GRM7: variants seen among roughly 807,000 people sequenced by gnomAD.
GRM7 encodes metabotropic glutamate receptor 7.
A neutral mutation model predicts 84.5 loss-of-function variants in GRM7; 35 were observed. That is an observed-to-expected ratio of 0.41 (90% confidence interval 0.32 to 0.55). The LOEUF (loss-of-function observed/expected upper bound fraction) is 0.55, where lower values mean the gene tolerates loss of function less well. GRM7 is among the 20% of genes least tolerant of loss of function. The pLI is 0.19. For missense variants in GRM7, 1,003 were observed against 1,194.6 expected (o/e 0.84, Z 2.36); for synonymous variants, 487 against 455.1 (o/e 1.07, Z -0.89).
rs944398447 is a variant in GRM7 at position 7,630,310 on chromosome 3, G to A, written c.2452-49739G>A. On this transcript the variant is annotated intron_variant, in intron 8 of 9. Transcript: ENST00000357716. ...CTAAGGAATCTTCCCTGAGTTGTCT[G>A]ATTAGATGCAAACAAGCATGACGAA... Among the ~76,000 whole-genome samples the A allele has an allele frequency of 2.8e-5, 4 of 143,828 alleles. 1 individual carries two copies. Among genetic ancestry groups the A allele is most frequent in the Admixed American group, 2.8e-4 (4 of 14,434 alleles). The allele number at this position is 143,828 out of a possible 152,430, so 94.4% of individuals were successfully genotyped here.
At chr3:7,386,523 G>C (rs767590403) in intron 4 of GRM7, among the ~76,000 whole-genome samples, 3 of 152,112 alleles carry the variant, frequency 2.0e-5, no homozygotes, top group African/African-American at 7.2e-5. Context: ...AGAATATGTG[G>C]TATTTGGTTT....
chr3:7,439,207 A>G (rs1412051676), intron 5 of GRM7, among the ~76,000 whole-genome samples: 1 of 152,178 alleles, frequency 6.6e-6, no homozygotes, highest in Non-Finnish European at 1.5e-5. Context: ...GACAATGACC[A>G]CTTTTTTTCC....
chr3:6,971,118 T>C (rs1371794500), intron 1 of GRM7, among the ~76,000 whole-genome samples: 3 of 151,294 alleles, frequency 2.0e-5, no homozygotes, highest in South Asian at 4.2e-4. Context: ...TTACAGTATT[T>C]ACCGAGGGAG....
chr3:7,215,763 G>A (rs550823406), intron 2 of GRM7, among the ~76,000 whole-genome samples: 1 of 152,058 alleles, frequency 6.6e-6, no homozygotes. Flanking sequence ...ATGTCTTATG[G>A]GTCTTAAAGG....
At chr3:7,514,112 C>T (rs73017846) in intron 7 of GRM7, among the ~76,000 whole-genome samples, 4,882 of 152,280 alleles carry the variant, frequency 0.032, 113 homozygotes, top group Non-Finnish European at 0.045. Flanking sequence ...AATGAACCTT[C>T]CAGAAAAAAC....
At chr3:7,474,079 G>A (rs528067080) in intron 7 of GRM7, among the ~76,000 whole-genome samples, 1 of 152,118 alleles carries the variant, frequency 6.6e-6, no homozygotes, top group African/African-American at 2.4e-5. Context: ...GTGAGGGGCT[G>A]TTTGGTGTCA....
At position 6,872,793 on chromosome 3, in the gene GRM7, G is replaced by A. The variant is rs150452231; in HGVS notation, c.519+10886G>A. ...CCATGTCCCTACAAAGGACATGAACGCATCCATTTTTATGGCTGCATAGTA... is the reference window on the plus strand; with the variant it reads ...CCATGTCCCTACAAAGGACATGAACACATCCATTTTTATGGCTGCATAGTA... On this transcript the variant is annotated intron_variant, in intron 1 of 9. Transcript: ENST00000357716. 4.7e-3 allele frequency among the ~76,000 whole-genome samples: 716 copies of A among 152,142 alleles called. 9 individuals carry two copies. The highest frequency in any genetic ancestry group is 0.017 in the African/African-American group (693 of 41,530).
intron 1 of GRM7, among the ~76,000 whole-genome samples, chr3:6,880,759 C>G (rs1487769032): frequency 6.6e-6 from 1 of 152,054 alleles, no homozygotes; most frequent in Non-Finnish European, 1.5e-5. Flanking sequence ...CTTCTCGTCT[C>G]GTATTTGGAC....
chr3:7,735,048 C>CAAAA (rs3840230), intron 9 of GRM7, among the ~76,000 whole-genome samples: 13,142 of 151,472 alleles, frequency 0.087, 1,645 homozygotes, highest in African/African-American at 0.28. Flanking sequence ...GAAGTAATTA[C>CAAAA]AAAAAAAAGT....
At chr3:7,038,129 A>C (rs1223708157) in intron 1 of GRM7, among the ~76,000 whole-genome samples, 4 of 152,204 alleles carry the variant, frequency 2.6e-5, no homozygotes, top group Non-Finnish European at 4.4e-5. Flanking sequence ...TTGCAGTGGA[A>C]TCCTAGCTCC....
At chr3:6,903,764 G>A (rs374457690) in intron 1 of GRM7, among the ~76,000 whole-genome samples, 7 of 151,980 alleles carry the variant, frequency 4.6e-5, no homozygotes, top group East Asian at 3.9e-4. Context: ...CTCTTTAACC[G>A]TATCCTTAAC....
intron 4 of GRM7, among the ~76,000 whole-genome samples, chr3:7,403,562 G>A (rs1695542110): frequency 6.8e-6 from 1 of 146,846 alleles, no homozygotes; most frequent in South Asian, 2.1e-4. Context: ...TATGGCAAAT[G>A]TACGTCCGTT....
chr3:7,370,717 G>T (rs1408963123), intron 4 of GRM7, among the ~76,000 whole-genome samples: 1 of 152,070 alleles, frequency 6.6e-6, no homozygotes, highest in African/African-American at 2.4e-5. Flanking sequence ...CTCCTTCCCT[G>T]CCTTCAGACC....
intron 2 of GRM7, among the ~76,000 whole-genome samples, chr3:7,269,491 C>A (rs1698775062): frequency 6.6e-6 from 1 of 152,132 alleles, no homozygotes. Context: ...TGGCTTCCTG[C>A]ATCTTAATTT....
At chr3:7,226,495 A>C (rs1696985925) in intron 2 of GRM7, among the ~76,000 whole-genome samples, 1 of 152,144 alleles carries the variant, frequency 6.6e-6, no homozygotes, top group African/African-American at 2.4e-5. Context: ...AAGCGTCTCG[A>C]ACTCCAGTCA....
chr3:7,246,799 A>G (rs1697777496), intron 2 of GRM7, among the ~76,000 whole-genome samples: 1 of 152,176 alleles, frequency 6.6e-6, no homozygotes, highest in Admixed American at 6.6e-5. Context: ...TAAAGATTAT[A>G]AGGCTGATTC....
intron 8 of GRM7, among the ~76,000 whole-genome samples, chr3:7,638,971 G>T (rs1698235565): frequency 6.6e-6 from 1 of 152,146 alleles, no homozygotes; most frequent in African/African-American, 2.4e-5. Context: ...GTCTTCCCAG[G>T]TTTTCCTCTA....
intron 2 of GRM7, among the ~76,000 whole-genome samples, chr3:7,224,794 G>C (rs1390860006): frequency 6.6e-6 from 1 of 152,104 alleles, no homozygotes; most frequent in Non-Finnish European, 1.5e-5. Flanking sequence ...TTGTGGATGT[G>C]TCATGTGTAG....
At chr3:7,633,701 T>C (rs1697952655) in intron 8 of GRM7, among the ~76,000 whole-genome samples, 1 of 152,028 alleles carries the variant, frequency 6.6e-6, no homozygotes, top group Non-Finnish European at 1.5e-5. Flanking sequence ...TAGAAGATAA[T>C]AACAAAAATT....
Sources: gnomAD v4.1 joint callset for allele counts (sites outside exome capture counted in the v4.1 genomes callset) on GRCh38, gnomAD v4.1.1 for gene constraint, MANE v1.5 for transcripts, NCBI Gene and HGNC (gene_info 2026-07-23, HGNC 2026-07-21) for gene names.